KCNN2: variants seen among roughly 807,000 people sequenced by gnomAD.
KCNN2 encodes potassium calcium-activated channel subfamily N member 2.
A neutral mutation model predicts 55.5 loss-of-function variants in KCNN2; 24 were observed. That is an observed-to-expected ratio of 0.43 (90% CI 0.31 to 0.61). KCNN2 has a LOEUF of 0.61. KCNN2 is among the 20% of genes least tolerant of loss of function. KCNN2 has a pLI of 0.08. For missense variants in KCNN2, 754 were observed against 853.6 expected (o/e 0.88, Z 1.45); for synonymous variants, 431 against 336.1 (o/e 1.28, Z -3.09).
At position 114,217,088 on chromosome 5, in the gene KCNN2, A is replaced by C. The variant is rs144520271; in HGVS notation, c.-270-4392A>C. 2.1e-3 allele frequency among the ~76,000 whole-genome samples: 323 copies of C among 152,202 alleles called. 6 individuals are homozygous for C. In the East Asian group the frequency reaches 0.035, roughly 17 times the overall value. ...AGACTTGTATGAGGAAAGCTACAAA[A>C]CTTTGATGAAAGAAATCAAATAACT... On this transcript the variant is annotated intron_variant, in intron 1 of 10. Transcript: ENST00000512097.
chr5:114,208,429 C>T (rs1297144579), intron 1 of KCNN2, among the ~76,000 whole-genome samples: 1 of 152,206 alleles, frequency 6.6e-6, no homozygotes, highest in Admixed American at 6.5e-5. Flanking sequence ...TATGCTAATG[C>T]TGACATCTTT....
At chr5:114,067,300 T>C (rs1003527842) in intron 1 of KCNN2, among the ~76,000 whole-genome samples, 6 of 152,212 alleles carry the variant, frequency 3.9e-5, no homozygotes, top group African/African-American at 1.4e-4. Flanking sequence ...ACCAGCTGCA[T>C]TGAAATCACC....
intron 2 of KCNN2, among the ~76,000 whole-genome samples, chr5:114,303,092 C>A (rs200949153): frequency 6.6e-6 from 1 of 152,326 alleles, no homozygotes; most frequent in African/African-American, 2.4e-5. Flanking sequence ...GGCCATTGAG[C>A]AAGTTGACTT....
chr5:114,063,819 C>A (rs183174388), intron 1 of KCNN2, among the ~76,000 whole-genome samples: 15 of 152,284 alleles, frequency 9.9e-5, no homozygotes, highest in Admixed American at 9.8e-4. Context: ...GCATACTAAG[C>A]TAGTTTACTA....
intron 2 of KCNN2, among the ~76,000 whole-genome samples, chr5:114,340,736 A>C (rs955189002): frequency 3.9e-5 from 6 of 152,154 alleles, no homozygotes; most frequent in Admixed American, 6.5e-5. Context: ...CTTCAAGTAC[A>C]CTATACAGTA....
chr5:114,387,285 A>G (rs1758316460), intron 2 of KCNN2, among the ~76,000 whole-genome samples: 1 of 152,198 alleles, frequency 6.6e-6, no homozygotes, highest in South Asian at 2.1e-4. Flanking sequence ...CAAACTTGCC[A>G]CTTAATGTCT....
At chr5:114,418,892 T>C (rs1444312389) in intron 3 of KCNN2, among the ~76,000 whole-genome samples, 1 of 152,122 alleles carries the variant, frequency 6.6e-6, no homozygotes, top group Non-Finnish European at 1.5e-5. Flanking sequence ...CAACTGCCTC[T>C]GGGGAAAAAA....
intron 6 of KCNN2, chr5:114,489,130 T>C (rs1747721032): frequency 6.6e-6 from 1 of 152,158 alleles, no homozygotes; most frequent in African/African-American, 2.4e-5. Context: ...TACGGTTCTG[T>C]AGCCATGTGC....
At chr5:114,148,001 G>T (rs1039622014) in intron 1 of KCNN2, among the ~76,000 whole-genome samples, 1 of 152,084 alleles carries the variant, frequency 6.6e-6, no homozygotes, top group African/African-American at 2.4e-5. Context: ...AACGAAGAAT[G>T]TAATTATTTT....
chr5:114,174,334 C>T (rs1365959981), intron 1 of KCNN2, among the ~76,000 whole-genome samples: 3 of 152,040 alleles, frequency 2.0e-5, no homozygotes, highest in Non-Finnish European at 2.9e-5. Context: ...AGTAAGTTTG[C>T]TTTCTGACTA....
At chr5:114,130,268 C>G (rs940231827) in intron 1 of KCNN2, among the ~76,000 whole-genome samples, 1 of 152,096 alleles carries the variant, frequency 6.6e-6, no homozygotes, top group Non-Finnish European at 1.5e-5. Flanking sequence ...AGATATAGAT[C>G]TACTCAAACC....
intron 1 of KCNN2, among the ~76,000 whole-genome samples, 163 bp from the exon 2 acceptor site, chr5:114,363,743 A>G (rs1757520662): frequency 6.6e-6 from 1 of 152,122 alleles, no homozygotes; most frequent in African/African-American, 2.4e-5. Flanking sequence ...TTTGAGGCCG[A>G]GTGATCTGAC....
At chr5:114,206,235 T>A (rs576527092) in intron 1 of KCNN2, among the ~76,000 whole-genome samples, 1 of 152,232 alleles carries the variant, frequency 6.6e-6, no homozygotes, top group Non-Finnish European at 1.5e-5. Flanking sequence ...TACCTGTTAC[T>A]GTGACTTCAG....
At chr5:114,284,725 G>A (rs1242719493) in intron 2 of KCNN2, among the ~76,000 whole-genome samples, 3 of 151,532 alleles carry the variant, frequency 2.0e-5, no homozygotes, top group Non-Finnish European at 4.4e-5. Flanking sequence ...TCACCATGTT[G>A]GCCAGGATGG....
chr5:114,223,517 G>A (rs552812245), intron 2 of KCNN2, among the ~76,000 whole-genome samples: 10 of 152,086 alleles, frequency 6.6e-5, no homozygotes, highest in Admixed American at 4.6e-4. Context: ...ATTAAGACAG[G>A]AGTCTCCTTG....
chr5:114,086,968 A>G (rs1339786932), intron 1 of KCNN2, among the ~76,000 whole-genome samples: 2 of 151,952 alleles, frequency 1.3e-5, no homozygotes, highest in Non-Finnish European at 2.9e-5. Flanking sequence ...TTTTAGTAGT[A>G]GCCATTTCTG....
intron 1 of KCNN2, among the ~76,000 whole-genome samples, chr5:114,074,546 G>A (rs1750646806): frequency 6.6e-6 from 1 of 152,064 alleles, no homozygotes; most frequent in Admixed American, 6.5e-5. Context: ...ATTTATTCAG[G>A]ACCAGCTTTT....
intron 3 of KCNN2, among the ~76,000 whole-genome samples, chr5:114,426,319 G>A (rs1759623225): frequency 6.6e-6 from 1 of 152,164 alleles, no homozygotes; most frequent in South Asian, 2.1e-4. Flanking sequence ...GTTAATCCAA[G>A]CTTGCATTCC....
intron 1 of KCNN2, among the ~76,000 whole-genome samples, chr5:114,187,260 C>G (rs1225834838): frequency 6.6e-6 from 1 of 151,882 alleles, no homozygotes; most frequent in African/African-American, 2.4e-5. Context: ...TGGGATGACA[C>G]AGTTAAAACT....
Sources: allele counts gnomAD v4.1 joint callset (sites outside exome capture counted in the v4.1 genomes callset), GRCh38; gene constraint gnomAD v4.1.1; transcripts MANE v1.5; gene names NCBI Gene and HGNC (gene_info 2026-07-23, HGNC 2026-07-21).